NBEA: variants seen among roughly 807,000 people sequenced by gnomAD.
The protein encoded by NBEA is lysosomal-trafficking regulator 2.
A neutral mutation model predicts 343.4 loss-of-function variants in NBEA; 44 were observed. The ratio of observed to expected loss-of-function variants is 0.13; its 90% CI spans 0.10 to 0.16. The LOEUF (loss-of-function observed/expected upper bound fraction) is 0.16, where lower values mean the gene tolerates loss of function less well. Ranked by LOEUF, NBEA falls within the 10% of genes least tolerant of loss-of-function variation. The pLI, the probability that NBEA is intolerant of heterozygous loss-of-function variation, is 1.00. For synonymous variants in NBEA, 1,175 were observed against 1,238.7 expected (o/e 0.95, Z 1.08); for missense variants, 2,555 against 3,631.3 (o/e 0.70, Z 7.62).
intron 40 of NBEA, among the ~76,000 whole-genome samples, chr13:35,454,898 A>C: frequency 6.6e-6 from 1 of 151,942 alleles, no homozygotes; most frequent in East Asian, 1.9e-4. Flanking sequence ...TAAAAAATAA[A>C]AAAACAGGAA....
chr13:35,143,971 G>C (rs1035298620), intron 18 of NBEA, among the ~76,000 whole-genome samples: 1 of 151,744 alleles, frequency 6.6e-6, no homozygotes, highest in Non-Finnish European at 1.5e-5. Context: ...CCATGGAACA[G>C]ATCAAGTCAA....
rs1194904002 is a variant in NBEA at position 35,139,761 on chromosome 13, T to G, written c.2337-2508T>G. 4.8e-5 allele frequency among the ~76,000 whole-genome samples: 7 copies of G among 146,822 alleles called. No homozygotes were observed. The East Asian group carries it at 6.0e-4, about 13-fold the overall frequency. ...TGGATGGCGTTTTTTTTTTTTTTTT[T>G]TTTTTTTTTTTATCTCTTGACTGCT... On this transcript the variant is annotated intron_variant, in intron 17 of 58. Transcript: ENST00000379939.
intron 18 of NBEA, among the ~76,000 whole-genome samples, chr13:35,143,212 T>G (rs1331983601): frequency 6.6e-6 from 1 of 152,222 alleles, no homozygotes; most frequent in African/African-American, 2.4e-5. Flanking sequence ...ACTCATTTGT[T>G]TAGCTGTTGC....
chr13:35,083,054 C>G (rs1209830838), intron 10 of NBEA, among the ~76,000 whole-genome samples: 1 of 152,090 alleles, frequency 6.6e-6, no homozygotes, highest in Non-Finnish European at 1.5e-5. Context: ...GGTTTTAGGT[C>G]TAACATTTAA....
At chr13:35,172,159 G>GT (rs1369140880) in intron 26 of NBEA, among the ~76,000 whole-genome samples, 4 of 151,988 alleles carry the variant, frequency 2.6e-5, no homozygotes, top group Non-Finnish European at 4.4e-5. Context: ...GATATGTACT[G>GT]TTTTCACCCA....
chr13:34,943,173 C>T (rs976965762), intron 1 of NBEA, 59 bp downstream of exon 1: 4 of 1,588,828 alleles, frequency 2.5e-6, no homozygotes, highest in Non-Finnish European at 3.4e-6. Flanking sequence ...CCGTCCCCAG[C>T]GCCTTTCCCT....
chr13:35,598,080 T>A (rs7330622), intron 47 of NBEA, among the ~76,000 whole-genome samples: 33,375 of 152,150 alleles, frequency 0.22, 3,857 homozygotes, highest in African/African-American at 0.23. Context: ...TGGTATCTTG[T>A]TGTCTACATA....
At chr13:34,978,637 G>A (rs1166291102) in intron 1 of NBEA, among the ~76,000 whole-genome samples, 2 of 152,144 alleles carry the variant, frequency 1.3e-5, no homozygotes, top group South Asian at 4.1e-4. Flanking sequence ...TACTCCCAGA[G>A]ATGGTCAGAG....
At chr13:35,630,535 C>T (rs1035529086) in intron 49 of NBEA, among the ~76,000 whole-genome samples, 6 of 152,144 alleles carry the variant, frequency 3.9e-5, no homozygotes, top group African/African-American at 1.4e-4. Context: ...TAGGGTGCCT[C>T]AGCTCAGGAC....
At position 35,398,955 on chromosome 13, in the gene NBEA, A is replaced by G. The variant is rs550684930; in HGVS notation, c.6180-33314A>G. ...TAAGGCTGTTTCATCTACATTGAAA[A>G]TCTGTTGCTTAGTGTAGCCACCTTC... On this transcript the variant is annotated intron_variant, in intron 38 of 58. Transcript: ENST00000379939. Among the ~76,000 whole-genome samples, 3 of 152,276 alleles carry G rather than the reference A, an allele frequency of 2.0e-5. No homozygotes were observed. The East Asian group carries it at 5.8e-4, about 29-fold the overall frequency.
chr13:35,642,102 A>G (rs2083986385), intron 49 of NBEA, among the ~76,000 whole-genome samples: 1 of 152,198 alleles, frequency 6.6e-6, no homozygotes, highest in Non-Finnish European at 1.5e-5. Context: ...TTTGTGAAAC[A>G]TCAAACGTTT....
chr13:35,094,831 T>C (rs2065253595), intron 10 of NBEA, among the ~76,000 whole-genome samples: 1 of 151,948 alleles, frequency 6.6e-6, no homozygotes, highest in Non-Finnish European at 1.5e-5. Context: ...GTCAAAAGAT[T>C]TTTCCCCCTT....
intron 35 of NBEA, among the ~76,000 whole-genome samples, chr13:35,304,741 T>TA (rs963301743): frequency 6.6e-6 from 1 of 152,106 alleles, no homozygotes; most frequent in African/African-American, 2.4e-5. Context: ...ATCACTGTTC[T>TA]AAAAAAATTG....
chr13:35,322,843 G>A (rs995007049), intron 36 of NBEA, among the ~76,000 whole-genome samples: 2 of 152,068 alleles, frequency 1.3e-5, no homozygotes, highest in African/African-American at 4.8e-5. Flanking sequence ...ATCATAAATT[G>A]TATTTGAATT....
At chr13:35,415,060 G>A (rs923622978) in intron 38 of NBEA, among the ~76,000 whole-genome samples, 10 of 152,050 alleles carry the variant, frequency 6.6e-5, no homozygotes, top group Admixed American at 2.6e-4. Context: ...CATATCCTTT[G>A]CCCACTTTTT....
chr13:35,517,448 T>TTC (rs1253449865), intron 41 of NBEA, among the ~76,000 whole-genome samples: 3 of 152,214 alleles, frequency 2.0e-5, no homozygotes, highest in Non-Finnish European at 4.4e-5. Flanking sequence ...AAGCTCATAA[T>TTC]TTTCCTTTTT....
chr13:35,262,955 A>C (rs1355263071), intron 34 of NBEA, among the ~76,000 whole-genome samples: 2 of 152,216 alleles, frequency 1.3e-5, no homozygotes, highest in Non-Finnish European at 2.9e-5. Context: ...TGTGTTCTGC[A>C]GAAATAGAAA....
At chr13:34,958,998 G>A (rs1221485578) in intron 1 of NBEA, among the ~76,000 whole-genome samples, 2 of 151,880 alleles carry the variant, frequency 1.3e-5, no homozygotes, top group Non-Finnish European at 2.9e-5. Context: ...TAAAGGAATT[G>A]TTTTTTTCCT....
chr13:35,464,242 A>T (rs1483513618), intron 40 of NBEA, among the ~76,000 whole-genome samples: 1 of 152,214 alleles, frequency 6.6e-6, no homozygotes, highest in Non-Finnish European at 1.5e-5. Context: ...TAACCTACAA[A>T]GTCTGACATT....
Sources: allele counts gnomAD v4.1 joint callset (sites outside exome capture counted in the v4.1 genomes callset), GRCh38; gene constraint gnomAD v4.1.1; transcripts MANE v1.5; gene names NCBI Gene and HGNC (gene_info 2026-07-23, HGNC 2026-07-21).